SDCCAG8: variants seen among roughly 807,000 people sequenced by gnomAD.
SDCCAG8 encodes the protein SHH signaling and ciliogenesis regulator SDCCAG8.
In SDCCAG8, 74 loss-of-function variants were observed where a neutral mutation model predicts 101.8. The observed-to-expected ratio is 0.73, with a 90% CI of 0.60 to 0.88. SDCCAG8 has a LOEUF of 0.88. Among genes scored for constraint, SDCCAG8 ranks in the 40% least tolerant of loss-of-function variants. SDCCAG8 has a pLI of 0.00. For synonymous variants in SDCCAG8, 281 were observed against 292.9 expected, an observed-to-expected ratio of 0.96 and a Z score of 0.41; for missense variants, 787 against 822.6, an observed-to-expected ratio of 0.96 and a Z score of 0.53.
intron 16 of SDCCAG8, among the ~76,000 whole-genome samples, chr1:243,485,233 G>C (rs1664564531): frequency 6.6e-6 from 1 of 152,142 alleles, no homozygotes. Flanking sequence ...ATCTCAGCTT[G>C]TTTTCTCATC....
chr1:243,271,129 G>C, intron 3 of SDCCAG8, 66 bp downstream of exon 3: 1 of 1,172,902 alleles, frequency 8.5e-7, no homozygotes, highest in Non-Finnish European at 1.3e-6. Context: ...TTATTTTGTA[G>C]TACATGTTGC....
chr1:243,289,363 G>A (rs1438632009), intron 5 of SDCCAG8, among the ~76,000 whole-genome samples: 1 of 152,080 alleles, frequency 6.6e-6, no homozygotes, highest in African/African-American at 2.4e-5. Context: ...ATTAAGGGTG[G>A]GTCTGCCTTC....
rs895111238 is a variant in SDCCAG8 at position 243,495,614 on chromosome 1, G to A, written c.2113-4142G>A. On this transcript the variant is annotated intron_variant, in intron 17 of 17. Coordinates refer to ENST00000366541, the MANE Select transcript of SDCCAG8 (RefSeq NM_006642.5). Reference sequence around the variant, plus strand: ...AGGCCCCTCAGTGAGAACTTCAGTCGCTGTGCTGGGGACAGCAGGGCCGCA... The same window carrying A: ...AGGCCCCTCAGTGAGAACTTCAGTCACTGTGCTGGGGACAGCAGGGCCGCA... Among the ~76,000 whole-genome samples the A allele has an allele frequency of 4.6e-5, 7 of 152,206 alleles. No individual in the cohort carries two copies. The South Asian group carries it at 6.2e-4, about 13-fold the overall frequency.
At chr1:243,277,890 T>C (rs1394883822) in intron 4 of SDCCAG8, among the ~76,000 whole-genome samples, 1 of 152,230 alleles carries the variant, frequency 6.6e-6, no homozygotes, top group Non-Finnish European at 1.5e-5. Context: ...TCACTCTATC[T>C]TGATTACTGT....
At chr1:243,294,705 C>T (rs867468624) in intron 6 of SDCCAG8, among the ~76,000 whole-genome samples, 4 of 65,348 alleles carry the variant, frequency 6.1e-5, no homozygotes, top group Admixed American at 1.3e-4. Context: ...TTCCCCCCCC[C>T]CCCCACAGCT....
chr1:243,315,711 C>T lies in SDCCAG8; in HGVS notation c.930-1044C>T, dbSNP rs141522436. Among the ~76,000 whole-genome samples, 1,441 of 152,220 alleles carry T rather than the reference C, an allele frequency of 9.5e-3. 17 individuals are homozygous for T. Among genetic ancestry groups the T allele is most frequent in the Non-Finnish European group, 0.014 (930 of 68,012 alleles). ...GAGTTTATAATCCTCTACACTATGA[C>T]TCTTTAAAACTTGCTAATTAAAAAA... On this transcript the variant is annotated intron_variant, in intron 8 of 17. Coordinates refer to ENST00000366541, the MANE Select transcript of SDCCAG8 (RefSeq NM_006642.5).
intron 16 of SDCCAG8, among the ~76,000 whole-genome samples, chr1:243,483,230 C>T (rs1381833940): frequency 2.0e-5 from 3 of 152,082 alleles, no homozygotes; most frequent in Non-Finnish European, 4.4e-5. Context: ...CCGGGTCTTC[C>T]TCGGAGCGCG....
chr1:243,360,655 C>CTTT (rs2076655224), intron 12 of SDCCAG8, among the ~76,000 whole-genome samples: 1 of 151,924 alleles, frequency 6.6e-6, no homozygotes, highest in South Asian at 2.1e-4. Flanking sequence ...AACCCTGTCT[C>CTTT]TACTAAAAAT....
chr1:243,424,312 C>A (rs1274993206), intron 15 of SDCCAG8, among the ~76,000 whole-genome samples: 2 of 151,926 alleles, frequency 1.3e-5, no homozygotes, highest in African/African-American at 4.8e-5. Context: ...CAACCTCCCC[C>A]ACCAGTGACA....
At position 243,298,072 on chromosome 1, in the gene SDCCAG8, G is replaced by A. The variant is rs373526097; in HGVS notation, c.675+4853G>A. ...ACTTTTTTTTTTTTTTTTTTAAGACGGAGTCTCACTCTGTCACCCAGGCTG... is the reference window on the plus strand; with the variant it reads ...ACTTTTTTTTTTTTTTTTTTAAGACAGAGTCTCACTCTGTCACCCAGGCTG... On this transcript the variant is annotated intron_variant, in intron 6 of 17. Transcript: ENST00000366541. 4.1e-5 allele frequency among the ~76,000 whole-genome samples: 6 copies of A among 145,984 alleles called. No individual in the cohort carries two copies. The East Asian group carries it at 5.9e-4, about 14-fold the overall frequency.
intron 13 of SDCCAG8, among the ~76,000 whole-genome samples, chr1:243,402,467 T>G (rs975702135): frequency 2.6e-5 from 4 of 152,118 alleles, no homozygotes; most frequent in Non-Finnish European, 5.9e-5. Context: ...CATAATTTAT[T>G]TAACCCAATG....
intron 12 of SDCCAG8, among the ~76,000 whole-genome samples, chr1:243,366,242 G>A (rs2076984430): frequency 6.6e-6 from 1 of 151,910 alleles, no homozygotes; most frequent in East Asian, 1.9e-4. Context: ...GATAGTGAAA[G>A]CATCTGTATC....
chr1:243,324,537 C>T (rs1295008058), intron 9 of SDCCAG8, among the ~76,000 whole-genome samples: 2 of 140,918 alleles, frequency 1.4e-5, no homozygotes, highest in South Asian at 2.3e-4. Context: ...TATCTCACTA[C>T]AGCCTTGCAC....
At chr1:243,409,575 C>T (rs1398546894) in intron 13 of SDCCAG8, among the ~76,000 whole-genome samples, 1 of 152,086 alleles carries the variant, frequency 6.6e-6, no homozygotes, top group Non-Finnish European at 1.5e-5. Flanking sequence ...AATGCTGATT[C>T]CAAGACTGGT....
intron 1 of SDCCAG8, among the ~76,000 whole-genome samples, chr1:243,264,668 C>G (rs553536038): frequency 6.6e-6 from 1 of 152,218 alleles, no homozygotes; most frequent in African/African-American, 2.4e-5. Flanking sequence ...TAGCTAGCAG[C>G]CATTAGCTCA....
rs2071698919 is a variant in SDCCAG8 at position 243,303,081 on chromosome 1, AG to A, written c.676-1631del. On this transcript the variant is annotated intron_variant, in intron 6 of 17. Coordinates refer to ENST00000366541, the MANE Select transcript of SDCCAG8 (RefSeq NM_006642.5). ...GGTTGGGAGTGAAGGGTTTCAAGAT[AG>A]AGATCTTGGAGAAATTCGAGAGCTA... 2.0e-5 allele frequency among the ~76,000 whole-genome samples: 3 copies of A among 152,348 alleles called. No individual in the cohort carries two copies. In the East Asian group the frequency reaches 5.8e-4, roughly 29 times the overall value.
intron 16 of SDCCAG8, 63 bp from the exon 17 acceptor site, chr1:243,488,951 C>T (rs1270456167): frequency 8.1e-6 from 13 of 1,610,456 alleles, no homozygotes; most frequent in Admixed American, 1.7e-5. Context: ...ATACACACAG[C>T]CCCTGGGCCT....
chr1:243,265,097 C>G (rs1447313176), intron 1 of SDCCAG8, among the ~76,000 whole-genome samples: 1 of 152,156 alleles, frequency 6.6e-6, no homozygotes, highest in Non-Finnish European at 1.5e-5. Flanking sequence ...AGTTGAAGAG[C>G]CATGGGATTT....
rs565822527 is a variant in SDCCAG8, at chr1:243,457,442, A to T, written c.1985+30884A>T. On this transcript the variant is annotated intron_variant, in intron 16 of 17. Transcript: ENST00000366541. ...TAGGAGCCCTGTAGAAAATGTACAG[A>T]AAGAATTCACCGTTTAAGTAAAAAT... Among the ~76,000 whole-genome samples, 7 of 152,344 alleles carry T rather than the reference A, an allele frequency of 4.6e-5. No homozygotes were observed. In the East Asian group the frequency reaches 1.4e-3, roughly 29 times the overall value.
Sources: gnomAD v4.1 joint callset for allele counts (sites outside exome capture counted in the v4.1 genomes callset) on GRCh38, gnomAD v4.1.1 for gene constraint, MANE v1.5 for transcripts, NCBI Gene and HGNC (gene_info 2026-07-23, HGNC 2026-07-21) for gene names.